TJAP1: variants seen among roughly 807,000 people sequenced by gnomAD.
The protein encoded by TJAP1 is tight junction-associated protein 1.
TJAP1 carries 27 observed loss-of-function variants against 42.0 expected under a neutral mutation model. The observed-to-expected ratio is 0.64, with a 90% CI of 0.47 to 0.89. The LOEUF (loss-of-function observed/expected upper bound fraction) is 0.89, where lower values mean the gene tolerates loss of function less well. Among genes scored for constraint, TJAP1 ranks in the 40% least tolerant of loss-of-function variants. TJAP1 has a pLI of 0.00. For missense variants in TJAP1, 712 were observed against 726.9 expected (o/e 0.98, Z 0.24); for synonymous variants, 257 against 288.4 (o/e 0.89, Z 1.10).
In TJAP1 at chr6:43,495,795, G is replaced by A. The variant is rs546484128; in HGVS notation, c.-121-2086G>A. Among the ~76,000 whole-genome samples the A allele has an allele frequency of 6.6e-6, 1 of 152,280 alleles. No individual in the cohort carries two copies. Among genetic ancestry groups the A allele is most frequent in the African/African-American group, 2.4e-5 (1 of 41,534 alleles). ...CCCTGGGGATAAATACATGCTGTAG[G>A]GCCAGGGAGTGGGGCTTGAGGTCAG... is the stretch of plus-strand genomic sequence containing the variant. On this transcript the variant is annotated intron_variant, in intron 2 of 10. Transcript: ENST00000372449. The surrounding 1 kb of genome is among the most constrained non-coding windows in gnomAD (Gnocchi z 4.6).
chr6:43,493,863 C>T (rs544625874), intron 2 of TJAP1, among the ~76,000 whole-genome samples: 212 of 152,258 alleles, frequency 1.4e-3, no homozygotes, highest in Non-Finnish European at 2.5e-3. Context: ...ATCAAATATG[C>T]GTACCCACAA....
chr6:43,478,818 A>G (rs1255921807), intron 2 of TJAP1: 2 of 152,134 alleles, frequency 1.3e-5, no homozygotes, highest in African/African-American at 4.8e-5. Context: ...AAAAATGTAG[A>G]TCAGTTTCTG....
intron 8 of TJAP1, 193 bp from the exon 9 acceptor site, chr6:43,503,208 C>T (rs891631460): frequency 1.7e-6 from 1 of 595,504 alleles, no homozygotes; most frequent in Admixed American, 3.0e-5. Flanking sequence ...AAGAAAGCCC[C>T]CACCCCACAG....
Position 43,505,676 on chromosome 6 carries a change from C to T in TJAP1, c.1495C>T (p.Leu499=). The stretch of plus-strand genomic sequence containing the variant: ...CAGTCCTGAGGAAGAGCGCCAGAGC[C>T]TGCTGCCCATTAACAGGGGCACAGA... Residue 499 remains leucine, a synonymous_variant, in exon 11 of 11, where the codon CTG becomes TTG. Coordinates refer to ENST00000372449, the Ensembl canonical transcript of TJAP1. This position sits in a 1 kb window ranked among gnomAD's most constrained non-coding sequence, Gnocchi z 5.5. 1 of 1,607,182 alleles carries T rather than the reference C, an allele frequency of 6.2e-7. No homozygotes were observed.
rs1319395546 is a variant in TJAP1 at position 43,491,822 on chromosome 6, T to C, written c.-121-6059T>C. Among the ~76,000 whole-genome samples, 2 of 152,200 alleles carry C rather than the reference T, an allele frequency of 1.3e-5. No individual in the cohort carries two copies. Among genetic ancestry groups the C allele is most frequent in the African/African-American group, 4.8e-5 (2 of 41,456 alleles). On this transcript the variant is annotated intron_variant, in intron 2 of 10. Coordinates refer to ENST00000372449, the Ensembl canonical transcript of TJAP1. This position sits in a 1 kb window ranked among gnomAD's most constrained non-coding sequence, Gnocchi z 4.6. ...TGAGTGTACTATGTACAAATAAACA[T>C]TTATAGTACTATATATTATTCATGG...
Position 43,501,859 on chromosome 6 carries a change from T to A in TJAP1, c.290+172T>A, listed in dbSNP as rs1313806461. ...GATCATCTAATTCCTATTAAAAAACTGGATAAGTTCTGCAGGTGTGGGAAT... is the reference window on the plus strand; with the variant it reads ...GATCATCTAATTCCTATTAAAAAACAGGATAAGTTCTGCAGGTGTGGGAAT... On this transcript the variant is annotated intron_variant, in intron 6 of 10. Coordinates refer to ENST00000372449, the Ensembl canonical transcript of TJAP1. Among the ~76,000 whole-genome samples the A allele has an allele frequency of 2.4e-5, 3 of 125,424 alleles. No homozygotes were observed. The Admixed American group carries it at 2.9e-4, about 12-fold the overall frequency. The allele number at this position is 125,424 out of a possible 152,430, so 82.3% of individuals were successfully genotyped here.
chr6:43,505,649 A>G lies in TJAP1; in HGVS notation c.1468A>G (p.Ile490Val), dbSNP rs747977897. ...GGAGGAAGAAGAGCTGAACCTGCCT[A>G]TCAGTCCTGAGGAAGAGCGCCAGAG... The change falls in exon 11 of 11, where the codon ATC becomes GTC. Residue 490 changes from isoleucine to valine, a missense_variant. Ile to Val is a conservative substitution (Grantham distance 29, BLOSUM62 3). Around this residue, in one of 3 missense-constraint regions of TJAP1, gnomAD observed 549 missense variants for 528.2 expected, o/e 1.04. Transcript: ENST00000372449. This position sits in a 1 kb window ranked among gnomAD's most constrained non-coding sequence, Gnocchi z 5.5. The G allele has an allele frequency of 1.4e-5, 22 of 1,613,162 alleles. No individual in the cohort carries two copies. Among genetic ancestry groups the G allele is most frequent in the South Asian group, 3.3e-5 (3 of 91,086 alleles).
At chr6:43,501,402 G>A (rs1790484347) in intron 5 of TJAP1, 124 bp from the exon 6 acceptor site, 1 of 843,440 alleles carries the variant, frequency 1.2e-6, no homozygotes, top group Non-Finnish European at 1.9e-6. Flanking sequence ...GACTCCAGGA[G>A]TTTCCCTGTC....
chr6:43,505,433 T>G lies in TJAP1; in HGVS notation c.1252T>G (p.Phe418Val). 1 of 1,613,004 alleles carries G rather than the reference T, an allele frequency of 6.2e-7. No homozygotes were observed. The change falls in exon 11 of 11, where the codon TTT becomes GTT. Residue 418 changes from phenylalanine (F) to valine (V), a missense_variant. Around this residue, in one of 3 missense-constraint regions of TJAP1, gnomAD observed 549 missense variants for 528.2 expected, o/e 1.04. Coordinates refer to ENST00000372449, the Ensembl canonical transcript of TJAP1. This position sits in a 1 kb window ranked among gnomAD's most constrained non-coding sequence, Gnocchi z 5.5. Reference sequence around the variant, plus strand: ...CCTGCTGGTCAGCTGGCAGCGGGCATTTGTGGACCGTACTCCACCACCTGC... The same window carrying G: ...CCTGCTGGTCAGCTGGCAGCGGGCAGTTGTGGACCGTACTCCACCACCTGC...
chr6:43,483,651 ATC>A (rs1396800913), intron 2 of TJAP1, among the ~76,000 whole-genome samples: 1 of 152,220 alleles, frequency 6.6e-6, no homozygotes, highest in Non-Finnish European at 1.5e-5. Context: ...GTGTGAAAGA[ATC>A]TGATTGTGGA....
At position 43,504,489 on chromosome 6, in the gene TJAP1, G is replaced by T. The variant is rs1209686942; in HGVS notation, c.580-272G>T. 2.3e-5 allele frequency: 12 copies of T among 514,808 alleles called. No individual in the cohort carries two copies. The Admixed American group carries it at 3.7e-4, about 16-fold the overall frequency. The allele number at this position is 514,808 out of a possible 1,614,324, so 31.9% of individuals were successfully genotyped here. A position where few individuals can be genotyped will look rare whatever the true frequency, so the allele number is the denominator to read the frequency against. On this transcript the variant is annotated intron_variant, in intron 10 of 10. Transcript: ENST00000372449. The stretch of plus-strand genomic sequence containing the variant: ...CTTAAGTATGGTTTGGGCAGAAGCT[G>T]GGAGATAGAAGTTTGAGAACATGCT...
chr6:43,503,996 A>G (rs1482306659), intron 10 of TJAP1: 1 of 626,960 alleles, frequency 1.6e-6, no homozygotes. Context: ...CTGCCCAAAG[A>G]GTACTAAGAG....
intron 2 of TJAP1, among the ~76,000 whole-genome samples, chr6:43,488,388 T>C (rs74435423): frequency 0.018 from 2,804 of 152,234 alleles, 35 homozygotes; most frequent in South Asian, 0.039. Context: ...TAGAGGGTCT[T>C]GCCACAGCAG....
chr6:43,489,769 T>TCCATC (rs1787396085), intron 2 of TJAP1: 4 of 152,366 alleles, frequency 2.6e-5, no homozygotes, highest in Admixed American at 1.3e-4. Context: ...TCTGGCATGG[T>TCCATC]TTCCGGATGG....
In TJAP1 at chr6:43,491,112, G is replaced by A. The variant is rs1787714245; in HGVS notation, c.-121-6769G>A. ...GGATTCTGTTCCCCTTGGGCTGGGT[G>A]AGAGAAGGCAGCAGCCTACCAGCAC... On this transcript the variant is annotated intron_variant, in intron 2 of 10. Coordinates refer to ENST00000372449, the Ensembl canonical transcript of TJAP1. The surrounding 1 kb of genome is among the most constrained non-coding windows in gnomAD (Gnocchi z 4.6). Among the ~76,000 whole-genome samples the A allele has an allele frequency of 6.6e-6, 1 of 152,172 alleles. No homozygotes were observed. Among genetic ancestry groups the A allele is most frequent in the Non-Finnish European group, 1.5e-5 (1 of 68,036 alleles).
chr6:43,500,651 C>G, intron 4 of TJAP1, 93 bp from the exon 5 acceptor site: 1 of 1,447,154 alleles, frequency 6.9e-7, no homozygotes, highest in South Asian at 1.1e-5. Flanking sequence ...CTTTGGGCTT[C>G]ACACCTGAGC....
chr6:43,503,514 TGC>T lies in TJAP1; in HGVS notation c.495+9_495+10del. The T allele has an allele frequency of 1.2e-6, 2 of 1,612,658 alleles. No individual in the cohort carries two copies. Among genetic ancestry groups the T allele is most frequent in the Non-Finnish European group, 1.7e-6 (2 of 1,178,664 alleles). ...ACAAGCTGGAAGAGCTCAATGTATG[TGC>T]GCTTCACTACTCGGGCCTTCCTCAC... On this transcript the variant is annotated splice_region_variant and intron_variant, in intron 9 of 10. Coordinates refer to ENST00000372449, the Ensembl canonical transcript of TJAP1.
chr6:43,502,533 T>C, intron 7 of TJAP1, 55 bp from the exon 8 acceptor site: 2 of 1,548,696 alleles, frequency 1.3e-6, no homozygotes, highest in South Asian at 1.2e-5. Context: ...CTGTTTCTCT[T>C]CTTTCCTCGT....
At chr6:43,482,986 GT>G (rs1474280316) in intron 2 of TJAP1, among the ~76,000 whole-genome samples, 5 of 152,156 alleles carry the variant, frequency 3.3e-5, no homozygotes, top group African/African-American at 1.2e-4. Context: ...GTTGGGCGTG[GT>G]GGTGCGTACC....
Sources: gnomAD v4.1 joint callset for allele counts (sites outside exome capture counted in the v4.1 genomes callset) on GRCh38, gnomAD v4.1.1 for gene constraint, gnomAD v4.1.1 regional missense constraint, Gnocchi (gnomAD v3.1) non-coding constraint, MANE v1.5 for transcripts, NCBI Gene and HGNC (gene_info 2026-07-23, HGNC 2026-07-21) for gene names.